The following TPD52L1 variants were observed in gnomAD, a reference collection of about 807,000 sequenced individuals.
TPD52L1 encodes TPD52 like 1, also known as tumor protein D53.
In TPD52L1, 18 loss-of-function variants were observed where a neutral mutation model predicts 28.7. The observed-to-expected ratio is 0.63, with a 90% CI of 0.43 to 0.93. TPD52L1 has a LOEUF of 0.93. TPD52L1 is among the 40% of genes least tolerant of loss of function. The pLI is 0.00. For synonymous variants in TPD52L1, 75 were observed against 88.8 expected, an observed-to-expected ratio of 0.84 and a Z score of 0.88; for missense variants, 203 against 254.8, an observed-to-expected ratio of 0.80 and a Z score of 1.39.
At chr6:125,212,507 G>A (rs550829912) in intron 1 of TPD52L1, among the ~76,000 whole-genome samples, 13 of 152,366 alleles carry the variant, frequency 8.5e-5, no homozygotes, top group African/African-American at 3.1e-4. Context: ...AGGAGAGCTT[G>A]CCAGCATGCG....
intron 2 of TPD52L1, among the ~76,000 whole-genome samples, chr6:125,224,706 T>C (rs537286912): frequency 2.0e-5 from 3 of 152,350 alleles, no homozygotes; most frequent in African/African-American, 2.4e-5. Flanking sequence ...CTAAATAACA[T>C]ACTGATGATG....
intron 1 of TPD52L1, among the ~76,000 whole-genome samples, chr6:125,206,520 G>T (rs1794153364): frequency 6.6e-6 from 1 of 152,134 alleles, no homozygotes; most frequent in East Asian, 1.9e-4. Context: ...AGGTTTTCTA[G>T]AGTGACAGAT....
chr6:125,174,781 T>C (rs1374318144), intron 1 of TPD52L1, among the ~76,000 whole-genome samples: 1 of 152,160 alleles, frequency 6.6e-6, no homozygotes. Context: ...CTATTTCCGG[T>C]CTCTTGTGGC....
At chr6:125,198,659 A>G (rs1156944271) in intron 1 of TPD52L1, among the ~76,000 whole-genome samples, 1 of 152,238 alleles carries the variant, frequency 6.6e-6, no homozygotes, top group East Asian at 1.9e-4. Flanking sequence ...AATCTTTGGC[A>G]CAGTGCCTAA....
At chr6:125,169,260 CT>C (rs2114769909) in intron 1 of TPD52L1, among the ~76,000 whole-genome samples, 1 of 152,100 alleles carries the variant, frequency 6.6e-6, no homozygotes, top group African/African-American at 2.4e-5. Context: ...CCTGCTTCTT[CT>C]TTCTATCTAC....
intron 1 of TPD52L1, among the ~76,000 whole-genome samples, chr6:125,156,365 C>G (rs1444220627): frequency 6.7e-6 from 1 of 149,748 alleles, no homozygotes; most frequent in Non-Finnish European, 1.5e-5. Context: ...ACTTGGAAGG[C>G]TGGAGTGGGA....
chr6:125,219,929 T>G, intron 1 of TPD52L1, 149 bp from the exon 2 acceptor site: 1 of 697,732 alleles, frequency 1.4e-6, no homozygotes, highest in Non-Finnish European at 2.6e-6. Context: ...TCGTCACACA[T>G]TTAGGAGGAT....
At chr6:125,199,410 C>T (rs370087816) in intron 1 of TPD52L1, among the ~76,000 whole-genome samples, 60 of 152,312 alleles carry the variant, frequency 3.9e-4, no homozygotes, top group Admixed American at 1.4e-3. Flanking sequence ...AGAGGCCAGG[C>T]GCAGTGGCTC....
intron 4 of TPD52L1, among the ~76,000 whole-genome samples, chr6:125,251,109 A>AAATTT (rs1251158900): frequency 2.8e-4 from 33 of 115,918 alleles, no homozygotes; most frequent in African/African-American, 2.1e-3. Flanking sequence ...GAAAGTGTTT[A>AAATTT]AACTTAATAA....
rs182540455 is a variant in TPD52L1, at chr6:125,263,315, A to C, written c.*353A>C. The C allele has an allele frequency of 8.4e-6, 2 of 237,200 alleles. No homozygotes were observed. Among genetic ancestry groups the C allele is most frequent in the African/African-American group, 4.5e-5 (2 of 44,054 alleles). The allele number at this position is 237,200 out of a possible 1,614,324, so 14.7% of individuals were successfully genotyped here. On this transcript the variant is annotated 3_prime_UTR_variant, in exon 7 of 7. Coordinates refer to ENST00000534000, the MANE Select transcript of TPD52L1 (RefSeq NM_003287.4). Reference sequence around the variant, plus strand: ...TTGCTTGGCCTCCTTTATGATGTGCATGTCCTTGAAGGCTGAATGAACAGT... The same window carrying C: ...TTGCTTGGCCTCCTTTATGATGTGCCTGTCCTTGAAGGCTGAATGAACAGT...
intron 1 of TPD52L1, among the ~76,000 whole-genome samples, chr6:125,192,216 G>T (rs766324466): frequency 6.6e-6 from 1 of 152,004 alleles, no homozygotes; most frequent in Non-Finnish European, 1.5e-5. Flanking sequence ...CACCCACTCT[G>T]CTTTTAATGC....
chr6:125,224,676 G>A (rs1429090727), intron 2 of TPD52L1, among the ~76,000 whole-genome samples: 1 of 152,340 alleles, frequency 6.6e-6, no homozygotes, highest in African/African-American at 2.4e-5. Context: ...ACGTGCACGT[G>A]AGACCAAATG....
intron 1 of TPD52L1, among the ~76,000 whole-genome samples, chr6:125,165,386 G>A (rs1790829119): frequency 6.6e-6 from 1 of 152,098 alleles, no homozygotes; most frequent in Non-Finnish European, 1.5e-5. Flanking sequence ...GGTCCTCAAG[G>A]AAAGATGAAT....
chr6:125,236,312 C>G (rs992180231), intron 3 of TPD52L1, among the ~76,000 whole-genome samples: 1 of 152,096 alleles, frequency 6.6e-6, no homozygotes, highest in African/African-American at 2.4e-5. Context: ...ATGGTGGGGA[C>G]ATAAATAATA....
chr6:125,246,143 A>G (rs1796910064), intron 3 of TPD52L1, among the ~76,000 whole-genome samples: 1 of 152,084 alleles, frequency 6.6e-6, no homozygotes, highest in African/African-American at 2.4e-5. Context: ...TGCTGCTACT[A>G]TTGTATTTCA....
chr6:125,164,767 A>G (rs1210932599), intron 1 of TPD52L1, among the ~76,000 whole-genome samples: 1 of 150,690 alleles, frequency 6.6e-6, no homozygotes, highest in Non-Finnish European at 1.5e-5. Flanking sequence ...CCATCAATGG[A>G]TTTGTCCTTA....
intron 1 of TPD52L1, among the ~76,000 whole-genome samples, chr6:125,180,827 C>G (rs998928161): frequency 2.8e-4 from 43 of 152,198 alleles, no homozygotes; most frequent in Non-Finnish European, 8.8e-5. Context: ...GGAAGAAAAT[C>G]ACAGCAGCTT....
At chr6:125,178,646 AAAACAAAAC>A (rs1306844703) in intron 1 of TPD52L1, among the ~76,000 whole-genome samples, 19 of 146,446 alleles carry the variant, frequency 1.3e-4, no homozygotes, top group African/African-American at 4.8e-4. Context: ...AAAACAAAAC[AAAACAAAAC>A]AAAATATATA....
chr6:125,181,146 A>T (rs1792169991), intron 1 of TPD52L1, among the ~76,000 whole-genome samples: 1 of 152,094 alleles, frequency 6.6e-6, no homozygotes, highest in South Asian at 2.1e-4. Context: ...TTATAATGTT[A>T]TTTATTTTAT....
Sources: gnomAD v4.1 joint callset for allele counts (sites outside exome capture counted in the v4.1 genomes callset) on GRCh38, gnomAD v4.1.1 for gene constraint, MANE v1.5 for transcripts, NCBI Gene and HGNC (gene_info 2026-07-23, HGNC 2026-07-21) for gene names.